The following PEX5 variants were observed in gnomAD, a reference collection of about 807,000 sequenced individuals.
PEX5 encodes the protein PTS1 receptor.
A neutral mutation model predicts 82.9 loss-of-function variants in PEX5; 52 were observed. The ratio of observed to expected loss-of-function variants is 0.63; its 90% CI spans 0.50 to 0.79. PEX5 has a LOEUF of 0.79. Ranked by LOEUF, PEX5 falls within the 30% of genes least tolerant of loss-of-function variation. The pLI is 0.00. For synonymous variants in PEX5, 300 were observed against 318.8 expected (o/e 0.94, Z 0.63); for missense variants, 719 against 815.2 (o/e 0.88, Z 1.44).
chr12:7,207,625 C>G (rs1477332474), intron 10 of PEX5, 34 bp from the exon 11 acceptor site: 1 of 1,612,022 alleles, frequency 6.2e-7, no homozygotes, highest in Admixed American at 1.7e-5. Flanking sequence ...ACGGTGCCAC[C>G]TCTCAGTCCA....
chr12:7,198,934 A>T, intron 5 of PEX5, 77 bp from the exon 6 acceptor site: 1 of 772,818 alleles, frequency 1.3e-6, no homozygotes, highest in Non-Finnish European at 2.2e-6. Context: ...TCAGTTGAAT[A>T]TGGGCATCTC....
rs373129608 is a variant in PEX5 at position 7,202,580 on chromosome 12, G to A, written c.754-32G>A. The A allele has an allele frequency of 6.3e-6, 10 of 1,577,862 alleles. No individual in the cohort carries two copies. In the African/African-American group the frequency reaches 1.3e-4, roughly 21 times the overall value. On this transcript the variant is annotated intron_variant, in intron 8 of 15. Transcript: ENST00000675855. ...GCGTCTGATGGATAGAAAGTTGGTG[G>A]TAGTGGTACTGACCATCCTTTTTTG...
In PEX5 at chr12:7,210,617, T is replaced by TCCAGCTTCCTTGGGCAGTGTAA. The variant is rs1424984098; in HGVS notation, c.*395_*416dup. ...CCCCACTTTTACTGGGAATTGATAG[T>TCCAGCTTCCTTGGGCAGTGTAA]CCAGCTTCCTTGGGCAGTGTAAGTA... is the stretch of plus-strand genomic sequence containing the variant. On this transcript the variant is annotated 3_prime_UTR_variant, in exon 16 of 16. Transcript: ENST00000675855. The TCCAGCTTCCTTGGGCAGTGTAA allele has an allele frequency of 2.8e-5, 10 of 351,752 alleles. No homozygotes were observed. Among genetic ancestry groups the TCCAGCTTCCTTGGGCAGTGTAA allele is most frequent in the East Asian group, 7.4e-5 (1 of 13,562 alleles). 21.8% of individuals were successfully genotyped at this position (351,752 alleles called of 1,614,324 possible).
chr12:7,199,841 C>A (rs1199168299), intron 6 of PEX5, among the ~76,000 whole-genome samples: 3 of 130,400 alleles, frequency 2.3e-5, no homozygotes, highest in East Asian at 4.6e-4. Context: ...GGGCTGACCC[C>A]CACCTCCCTC....
At chr12:7,199,560 T>A (rs932084200) in intron 6 of PEX5, among the ~76,000 whole-genome samples, 8 of 151,500 alleles carry the variant, frequency 5.3e-5, no homozygotes, top group African/African-American at 1.9e-4. Flanking sequence ...GCAGAAGAAT[T>A]TTTCTTAGTA....
downstream of PEX5, among the ~76,000 whole-genome samples, chr12:7,215,257 TAGTG>T (rs770098557): frequency 1.2e-4 from 18 of 152,210 alleles, no homozygotes; most frequent in South Asian, 4.1e-4. Context: ...AGTAACATGT[TAGTG>T]AGGTTGCAGA....
chr12:7,200,287 CGAT>C (rs988566205), intron 6 of PEX5, among the ~76,000 whole-genome samples: 1 of 147,548 alleles, frequency 6.8e-6, no homozygotes, highest in Non-Finnish European at 1.5e-5. Flanking sequence ...ACATCTCAGA[CGAT>C]GGGTGGTCGG....
chr12:7,207,612 C>G (rs202080169), intron 10 of PEX5, 47 bp from the exon 11 acceptor site: 2 of 1,604,214 alleles, frequency 1.2e-6, no homozygotes, highest in African/African-American at 1.3e-5. Flanking sequence ...CCCTGCTGTT[C>G]TGACGGTGCC....
intron 5 of PEX5, among the ~76,000 whole-genome samples, chr12:7,197,916 G>A (rs1325791276): frequency 1.3e-5 from 2 of 152,176 alleles, no homozygotes; most frequent in African/African-American, 2.4e-5. Context: ...GTGGGGAATA[G>A]CAGGGGAAGG....
In PEX5 at chr12:7,209,709, C is replaced by T. The variant is rs144401814; in HGVS notation, c.1587C>T (p.Gly529=). Reference sequence around the variant, plus strand: ...ACTATTTGCTGTGGAATAAGCTAGGCGCCACCCTGGCCAATGGAAACCAGA... The same window carrying T: ...ACTATTTGCTGTGGAATAAGCTAGGTGCCACCCTGGCCAATGGAAACCAGA... The part of the protein sequence containing the change: ...PNDYLLWNKL[G]ATLANGNQSE... The change falls in exon 15 of 16, where the codon GGC becomes GGT. Residue 529 remains glycine (G), a synonymous_variant. Coordinates refer to ENST00000675855, the MANE Select transcript of PEX5 (RefSeq NM_001351132.2). The T allele has an allele frequency of 7.9e-5, 110 of 1,399,190 alleles. No homozygotes were observed. The highest frequency in any genetic ancestry group is 5.2e-4 in the African/African-American group (24 of 45,804). The allele number at this position is 1,399,190 out of a possible 1,614,324, so 86.7% of individuals were successfully genotyped here.
intron 10 of PEX5, among the ~76,000 whole-genome samples, chr12:7,204,719 G>A (rs116672254): frequency 0.013 from 1,985 of 152,244 alleles, 39 homozygotes; most frequent in African/African-American, 0.046. Context: ...ATGTAAAAAT[G>A]TCCATGCTTT....
At position 7,209,067 on chromosome 12, in the gene PEX5, T is replaced by C. The variant is rs769158175; in HGVS notation, c.1457T>C (p.Ile486Thr). The C allele has an allele frequency of 8.1e-6, 13 of 1,614,140 alleles. No homozygotes were observed. Among genetic ancestry groups the C allele is most frequent in the South Asian group, 4.4e-5 (4 of 91,076 alleles). The change falls in exon 14 of 16, where the codon ATT becomes ACT. Residue 486 changes from isoleucine (I) to threonine (T), a missense_variant. Physicochemically the swap from Ile to Thr is moderately conservative, Grantham distance 89 (BLOSUM62 -1). Coordinates refer to ENST00000675855, the MANE Select transcript of PEX5 (RefSeq NM_001351132.2). ...GCTGTGCGGCTGGACCCTACCTCCATTGACCCTGATGTGCAGTGTGGCTTG... is the reference window on the plus strand; with the variant it reads ...GCTGTGCGGCTGGACCCTACCTCCACTGACCCTGATGTGCAGTGTGGCTTG... ...LAAVRLDPTS[I>T]DPDVQCGLGV...
intron 8 of PEX5, 82 bp downstream of exon 8, chr12:7,202,433 T>C (rs931091194): frequency 1.0e-5 from 16 of 1,547,736 alleles, no homozygotes; most frequent in African/African-American, 6.8e-5. Context: ...TGGTCCCAGA[T>C]GGGGAAGGAT....
chr12:7,191,524 G>T, intron 4 of PEX5, 45 bp from the exon 5 acceptor site: 1 of 1,610,408 alleles, frequency 6.2e-7, no homozygotes, highest in Admixed American at 1.7e-5. Context: ...ATGATGGAAT[G>T]GTATGTATGT....
chr12:7,217,805 A>G (rs1472965812), intron 17 of PEX5, among the ~76,000 whole-genome samples: 1 of 152,226 alleles, frequency 6.6e-6, no homozygotes, highest in African/African-American at 2.4e-5. Flanking sequence ...GGGACACTAT[A>G]GGCCCTGCTG....
At chr12:7,202,781 G>A in intron 9 of PEX5, 77 bp downstream of exon 9, 2 of 999,996 alleles carry the variant, frequency 2.0e-6, no homozygotes, top group South Asian at 1.3e-5. Flanking sequence ...GAACATCAAA[G>A]ATGATGCAAA....
intron 3 of PEX5, 42 bp from the exon 4 acceptor site, chr12:7,191,184 T>G: frequency 6.2e-7 from 1 of 1,613,804 alleles, no homozygotes; most frequent in Non-Finnish European, 8.5e-7. Context: ...TGCTGGGGCC[T>G]CCCAAGCCTA....
rs144936865 is a variant in PEX5, at chr12:7,193,045, T to TTTG, written c.448+1347_448+1348insGTT. 5.0e-3 allele frequency among the ~76,000 whole-genome samples: 763 copies of TTTG among 152,356 alleles called. 7 individuals are homozygous for TTTG. Among genetic ancestry groups the TTTG allele is most frequent in the African/African-American group, 0.016 (659 of 41,586 alleles). ...AGGTAGAACAGTAGGTGCTCTTGGC[T>TTTG]TTAAGAGTGCTAATCACTTTATCTT... On this transcript the variant is annotated intron_variant, in intron 5 of 15. Transcript: ENST00000675855.
rs1292932663 is a variant in PEX5 at position 7,198,548 on chromosome 12, C to T, written c.449-463C>T. Among the ~76,000 whole-genome samples, 3 of 152,248 alleles carry T rather than the reference C, an allele frequency of 2.0e-5. No individual in the cohort carries two copies. In the East Asian group the frequency reaches 5.8e-4, roughly 29 times the overall value. On this transcript the variant is annotated intron_variant, in intron 5 of 15. Transcript: ENST00000675855. ...GTAGGCAAATTACAATGAAATAAGG[C>T]TCCTTTGGCCGGGATTGTGTGAACT...
Sources: gnomAD v4.1 joint callset for allele counts (sites outside exome capture counted in the v4.1 genomes callset) on GRCh38, gnomAD v4.1.1 for gene constraint, MANE v1.5 for transcripts, NCBI Gene and HGNC (gene_info 2026-07-23, HGNC 2026-07-21) for gene names.